Variants in ITPR2 observed in about 807,000 individuals in gnomAD.
ITPR2 encodes inositol 1,4,5-trisphosphate receptor type 2, also known as inositol 1,4,5-trisphosphate-gated calcium channel ITPR2.
A neutral mutation model predicts 317.1 loss-of-function variants in ITPR2; 207 were observed. The ratio of observed to expected loss-of-function variants is 0.65; its 90% confidence interval spans 0.58 to 0.73. The LOEUF is 0.73. Ranked by LOEUF, ITPR2 falls within the 30% of genes least tolerant of loss-of-function variation. The pLI is 0.00. For missense variants in ITPR2, 2,613 were observed against 3,284.0 expected (o/e 0.80, Z 4.99); for synonymous variants, 1,156 against 1,149.1 (o/e 1.01, Z -0.12).
chr12:26,549,172 C>T (rs189115220), intron 37 of ITPR2, among the ~76,000 whole-genome samples: 3 of 152,226 alleles, frequency 2.0e-5, no homozygotes, highest in Admixed American at 6.5e-5. Flanking sequence ...TATGAAAGCA[C>T]GTTTTTGAGT....
chr12:26,344,069 GCT>G (rs1479384293), intron 55 of ITPR2, among the ~76,000 whole-genome samples: 1 of 152,116 alleles, frequency 6.6e-6, no homozygotes, highest in Non-Finnish European at 1.5e-5. Flanking sequence ...GTCCTTTCTT[GCT>G]CTCTCTCACC....
chr12:26,688,712 C>A (rs1948177844), intron 10 of ITPR2, among the ~76,000 whole-genome samples: 1 of 152,022 alleles, frequency 6.6e-6, no homozygotes, highest in Non-Finnish European at 1.5e-5. Context: ...AGGCCTGAGG[C>A]CCTTAAATAC....
chr12:26,395,603 C>A (rs1246734144), intron 54 of ITPR2, among the ~76,000 whole-genome samples: 2 of 151,884 alleles, frequency 1.3e-5, no homozygotes, highest in African/African-American at 2.4e-5. Context: ...AAAAAAAGGG[C>A]ATGGAGGAAG....
intron 52 of ITPR2, among the ~76,000 whole-genome samples, chr12:26,409,752 A>G (rs1310229750): frequency 6.6e-6 from 1 of 152,202 alleles, no homozygotes; most frequent in Non-Finnish European, 1.5e-5. Context: ...GCTTGACAGA[A>G]TCAGGATCCA....
chr12:26,351,770 C>A (rs1247087290), intron 55 of ITPR2, among the ~76,000 whole-genome samples: 1 of 152,196 alleles, frequency 6.6e-6, no homozygotes, highest in Non-Finnish European at 1.5e-5. Flanking sequence ...CCTGTCAATT[C>A]TGAATTCTAC....
Position 26,567,988 on chromosome 12 carries a change from A to ATATATAT in ITPR2, c.4631-6043_4631-6037dup, listed in dbSNP as rs1945039713. 1.4e-3 allele frequency among the ~76,000 whole-genome samples: 153 copies of ATATATAT among 111,840 alleles called. 7 individuals are homozygous for ATATATAT. The East Asian group carries it at 0.015, about 11-fold the overall frequency. The allele number at this position is 111,840 out of a possible 152,430, so 73.4% of individuals were successfully genotyped here. On this transcript the variant is annotated intron_variant, in intron 34 of 56. Transcript: ENST00000381340. ...TATATATTATATATATTATATATAT[A>ATATATAT]TATATATATTATATATATTATATAT...
intron 2 of ITPR2, among the ~76,000 whole-genome samples, chr12:26,731,620 G>A (rs1949029626): frequency 6.6e-6 from 1 of 152,016 alleles, no homozygotes; most frequent in Non-Finnish European, 1.5e-5. Context: ...AACAAATTGA[G>A]ACCCTGTCTC....
chr12:26,786,992 C>A, intron 2 of ITPR2, among the ~76,000 whole-genome samples: 1 of 151,460 alleles, frequency 6.6e-6, no homozygotes, highest in East Asian at 1.9e-4. Flanking sequence ...GGCAAATCTA[C>A]GAAACAGCAA....
At chr12:26,581,935 A>G (rs1945413829) in intron 32 of ITPR2, among the ~76,000 whole-genome samples, 1 of 152,186 alleles carries the variant, frequency 6.6e-6, no homozygotes, top group Admixed American at 6.6e-5. Flanking sequence ...AGTATACCAC[A>G]CTGCATCTTC....
At chr12:26,529,127 C>T (rs75459054) in intron 37 of ITPR2, among the ~76,000 whole-genome samples, 3,207 of 152,298 alleles carry the variant, frequency 0.021, 108 homozygotes, top group African/African-American at 0.072. Context: ...CCCTCTTAAG[C>T]GTACTCTACA....
intron 45 of ITPR2, among the ~76,000 whole-genome samples, chr12:26,451,837 CA>C (rs1278641155): frequency 6.6e-6 from 1 of 152,124 alleles, no homozygotes; most frequent in Non-Finnish European, 1.5e-5. Flanking sequence ...AAACAGCCCA[CA>C]AAAAATGCAC....
intron 39 of ITPR2, among the ~76,000 whole-genome samples, chr12:26,493,839 A>G (rs917311255): frequency 1.3e-5 from 2 of 152,178 alleles, no homozygotes; most frequent in South Asian, 4.1e-4. Context: ...CAGAAGTTTC[A>G]AAAGAAAACA....
intron 39 of ITPR2, among the ~76,000 whole-genome samples, chr12:26,491,465 A>G (rs1942801057): frequency 5.8e-5 from 8 of 137,272 alleles, no homozygotes; most frequent in Admixed American, 2.3e-4. Flanking sequence ...CCTGGGCCAC[A>G]GAGCAAGACT....
intron 1 of ITPR2, among the ~76,000 whole-genome samples, chr12:26,814,351 A>G (rs1281011221): frequency 6.6e-6 from 1 of 152,230 alleles, no homozygotes; most frequent in Non-Finnish European, 1.5e-5. Flanking sequence ...AAGCACCCTA[A>G]CTAATAAAAC....
intron 45 of ITPR2, among the ~76,000 whole-genome samples, chr12:26,447,777 TAACAGTTTACTAA>T (rs1941642321): frequency 6.6e-6 from 1 of 152,056 alleles, no homozygotes; most frequent in Non-Finnish European, 1.5e-5. Flanking sequence ...TGGTCCAAAT[TAACAGTTTACTAA>T]AAGCACAATA....
At chr12:26,434,111 A>T (rs1225663600) in intron 48 of ITPR2, among the ~76,000 whole-genome samples, 1 of 152,160 alleles carries the variant, frequency 6.6e-6, no homozygotes, top group African/African-American at 2.4e-5. Flanking sequence ...ATGGGTAAAG[A>T]ATGGCTTTGA....
intron 55 of ITPR2, among the ~76,000 whole-genome samples, chr12:26,346,244 C>A (rs1213789789): frequency 6.6e-6 from 1 of 152,214 alleles, no homozygotes; most frequent in Admixed American, 6.5e-5. Flanking sequence ...TTATCTATTT[C>A]TCTGGGCAAT....
chr12:26,549,061 T>C (rs969899223), intron 37 of ITPR2, among the ~76,000 whole-genome samples: 5 of 152,330 alleles, frequency 3.3e-5, no homozygotes, highest in African/African-American at 1.2e-4. Flanking sequence ...ATTTTTCTAC[T>C]TCAGAATCTG....
At chr12:26,547,197 C>A (rs558454733) in intron 37 of ITPR2, among the ~76,000 whole-genome samples, 1 of 152,044 alleles carries the variant, frequency 6.6e-6, no homozygotes, top group Non-Finnish European at 1.5e-5. Flanking sequence ...ACTCAAACAA[C>A]TCAACAGGAC....
Sources: allele counts gnomAD v4.1 joint callset (sites outside exome capture counted in the v4.1 genomes callset), GRCh38; gene constraint gnomAD v4.1.1; transcripts MANE v1.5; gene names NCBI Gene and HGNC (gene_info 2026-07-23, HGNC 2026-07-21).